Variants in STK32A observed in about 807,000 individuals in gnomAD.
STK32A encodes the protein serine/threonine-protein kinase 32A.
Under a neutral mutation model 53.2 loss-of-function variants are expected in STK32A, and 41 were observed. The ratio of observed to expected loss-of-function variants is 0.77; its 90% CI spans 0.60 to 1.00. The LOEUF is 1.00. Among genes scored for constraint, STK32A ranks in the 50% least tolerant of loss-of-function variants. STK32A has a pLI of 0.00. For synonymous variants in STK32A, 166 were observed against 162.8 expected, an observed-to-expected ratio of 1.02 and a Z score of -0.15; for missense variants, 458 against 485.8, an observed-to-expected ratio of 0.94 and a Z score of 0.54.
intron 5 of STK32A, among the ~76,000 whole-genome samples, chr5:147,333,238 A>G (rs1335047048): frequency 6.6e-6 from 1 of 152,198 alleles, no homozygotes; most frequent in Non-Finnish European, 1.5e-5. Context: ...TAGGTGAAGT[A>G]GACACATTTT....
In STK32A at chr5:147,361,590, G is replaced by A. The variant is rs558458515; in HGVS notation, c.636G>A (p.Thr212=). 1.1e-5 allele frequency: 18 copies of A among 1,613,052 alleles called. No individual in the cohort carries two copies. Among genetic ancestry groups the A allele is most frequent in the East Asian group, 6.7e-5 (3 of 44,870 alleles). ...TTGACTGGTGGTCCCTGGGAGTGAC[G>A]GCATATGAACTGCTGAGAGGCCGGG... The part of the protein sequence containing the change: ...FAVDWWSLGV[T]AYELLRGRRP... Residue 212 remains threonine (T), a synonymous_variant, in exon 8 of 13, where the codon ACG becomes ACA. Transcript: ENST00000397936.
At chr5:147,274,449 A>G (rs1216010426) in intron 2 of STK32A, among the ~76,000 whole-genome samples, 1 of 152,202 alleles carries the variant, frequency 6.6e-6, no homozygotes, top group Non-Finnish European at 1.5e-5. Flanking sequence ...ACATGATCCA[A>G]GTAAAAGACT....
chr5:147,321,266 TACTC>T (rs1301180867), intron 4 of STK32A, among the ~76,000 whole-genome samples: 2 of 152,342 alleles, frequency 1.3e-5, no homozygotes, highest in East Asian at 3.9e-4. Context: ...AGGAAGCTCT[TACTC>T]ACTCATTTTA....
At chr5:147,340,315 G>A (rs1298272554) in intron 5 of STK32A, among the ~76,000 whole-genome samples, 1 of 152,154 alleles carries the variant, frequency 6.6e-6, no homozygotes, top group East Asian at 1.9e-4. Context: ...CCTGATAAGA[G>A]AATCCACAGT....
At chr5:147,370,441 C>T (rs922966492) in intron 8 of STK32A, among the ~76,000 whole-genome samples, 12 of 152,018 alleles carry the variant, frequency 7.9e-5, no homozygotes, top group African/African-American at 2.4e-4. Flanking sequence ...ATTTTAGAAG[C>T]GACCATAAAT....
chr5:147,348,597 A>G (rs1339965310), intron 6 of STK32A: 1 of 713,818 alleles, frequency 1.4e-6, no homozygotes, highest in African/African-American at 1.7e-5. Flanking sequence ...ATAATCTTGT[A>G]GCTGAGTCAG....
chr5:147,325,521 T>C (rs1047162422), intron 5 of STK32A, among the ~76,000 whole-genome samples: 1 of 152,210 alleles, frequency 6.6e-6, no homozygotes, highest in African/African-American at 2.4e-5. Flanking sequence ...AGATTCTCTG[T>C]GCAGGTACCA....
chr5:147,357,361 A>G lies in STK32A; in HGVS notation c.563-4156A>G, dbSNP rs1316905682. 4.6e-5 allele frequency among the ~76,000 whole-genome samples: 7 copies of G among 152,178 alleles called. No individual in the cohort carries two copies. In the East Asian group the frequency reaches 1.3e-3, roughly 29 times the overall value. On this transcript the variant is annotated intron_variant, in intron 7 of 12. Transcript: ENST00000397936. Reference sequence around the variant, plus strand: ...AATGATATGACATTATGATATTACCACAGTATTTCTTTGACTTCTTTTGTC... The same window carrying G: ...AATGATATGACATTATGATATTACCGCAGTATTTCTTTGACTTCTTTTGTC...
the STK32A span, chr5:147,401,721 G>A: frequency 1.7e-5 from 27 of 1,613,504 alleles, no homozygotes; most frequent in Non-Finnish European, 1.4e-5. Context: ...AAACAGACAA[G>A]GGGTTAGCAT....
chr5:147,341,642 T>C (rs1215390572), intron 5 of STK32A, among the ~76,000 whole-genome samples: 3 of 152,114 alleles, frequency 2.0e-5, no homozygotes, highest in Non-Finnish European at 2.9e-5. Flanking sequence ...CCACTGTGCC[T>C]GGCAAGAATT....
intron 2 of STK32A, among the ~76,000 whole-genome samples, chr5:147,241,892 A>G (rs923047928): frequency 1.3e-5 from 2 of 152,222 alleles, no homozygotes; most frequent in Admixed American, 1.3e-4. Context: ...TTGCTGGGCT[A>G]CATTTGAAGG....
chr5:147,322,414 G>C (rs558814560), intron 4 of STK32A, among the ~76,000 whole-genome samples: 5 of 152,136 alleles, frequency 3.3e-5, no homozygotes, highest in Admixed American at 1.3e-4. Context: ...TTAATGCTTC[G>C]TTGAATTTCT....
At chr5:147,239,500 T>C (rs1753472778) in intron 1 of STK32A, 39 bp from the exon 2 acceptor site, 2 of 660,730 alleles carry the variant, frequency 3.0e-6, no homozygotes, top group Non-Finnish European at 5.3e-6. Flanking sequence ...GCCTAGAGTA[T>C]AGCATATTAT....
At chr5:147,261,522 G>C (rs1181563970) in intron 2 of STK32A, among the ~76,000 whole-genome samples, 1 of 152,188 alleles carries the variant, frequency 6.6e-6, no homozygotes, top group East Asian at 1.9e-4. Context: ...GACTGACTTA[G>C]AGTGGAGTAG....
chr5:147,366,601 T>G (rs992057765), intron 8 of STK32A, among the ~76,000 whole-genome samples: 1 of 152,224 alleles, frequency 6.6e-6, no homozygotes, highest in Non-Finnish European at 1.5e-5. Flanking sequence ...ATTTATTTAC[T>G]TTATGTATCC....
chr5:147,361,368 G>A, intron 7 of STK32A, 149 bp from the exon 8 acceptor site: 1 of 664,912 alleles, frequency 1.5e-6, no homozygotes, highest in South Asian at 1.7e-5. Context: ...ATGTTTGCCT[G>A]CTGTGAGCAA....
Position 147,298,077 on chromosome 5 carries a change from A to C in STK32A, c.260+18679A>C, listed in dbSNP as rs1472134131. 4.6e-5 allele frequency among the ~76,000 whole-genome samples: 7 copies of C among 151,454 alleles called. No individual in the cohort carries two copies. In the East Asian group the frequency reaches 1.4e-3, roughly 29 times the overall value. On this transcript the variant is annotated intron_variant, in intron 4 of 12. Transcript: ENST00000397936. ...AAAAGTTTGTTGGATCTGTATTTTT[A>C]TAATCTCTGTAGTATCATTCTTGTT...
chr5:147,274,943 T>C (rs955411150), intron 2 of STK32A, among the ~76,000 whole-genome samples: 4 of 152,346 alleles, frequency 2.6e-5, no homozygotes, highest in Middle Eastern at 6.8e-3. Flanking sequence ...TGGGTTTATA[T>C]ACATTCTCTA....
chr5:147,271,988 T>C (rs1044490568), intron 2 of STK32A, among the ~76,000 whole-genome samples: 9 of 152,154 alleles, frequency 5.9e-5, no homozygotes, highest in African/African-American at 2.2e-4. Flanking sequence ...TGAAAATCCC[T>C]AATAAAAACT....
Sources: gnomAD v4.1 joint callset for allele counts (sites outside exome capture counted in the v4.1 genomes callset) on GRCh38, gnomAD v4.1.1 for gene constraint, MANE v1.5 for transcripts, NCBI Gene and HGNC (gene_info 2026-07-23, HGNC 2026-07-21) for gene names.